ZNF148: variants seen among roughly 807,000 people sequenced by gnomAD.
ZNF148 encodes zinc finger protein 148.
In ZNF148, 7 loss-of-function variants were observed where a neutral mutation model predicts 67.7. The observed-to-expected ratio is 0.10, with a 90% confidence interval of 0.06 to 0.19. ZNF148 has a LOEUF of 0.19. ZNF148 is among the 10% of genes least tolerant of loss of function. ZNF148 has a pLI of 1.00. For missense variants in ZNF148, 583 were observed against 947.1 expected (o/e 0.62, Z 5.05); for synonymous variants, 333 against 330.7 (o/e 1.01, Z -0.08).
At chr3:125,374,646 T>TCC in intron 1 of ZNF148, among the ~76,000 whole-genome samples, 1 of 151,706 alleles carries the variant, frequency 6.6e-6, no homozygotes, top group Non-Finnish European at 1.5e-5. Flanking sequence ...CCCCTGCCCT[T>TCC]CCCTTCTCCC....
Position 125,229,769 on chromosome 3 carries a change from TC to T in ZNF148, c.*2571del, listed in dbSNP as rs2107822760. The T allele has an allele frequency of 6.6e-6, 1 of 152,286 alleles. No individual in the cohort carries two copies. The highest frequency in any genetic ancestry group is 1.9e-4 in the East Asian group (1 of 5,178). 9.4% of individuals were successfully genotyped at this position (152,286 alleles called of 1,614,324 possible). On this transcript the variant is annotated 3_prime_UTR_variant, in exon 9 of 9. Transcript: ENST00000360647. ...GCAGCACACAAGGCTACTTATTTTC[TC>T]CATTAATGCCCAGATAGAAATTAAA... is the stretch of plus-strand genomic sequence containing the variant.
rs112817819 is a variant in ZNF148 at position 125,349,758 on chromosome 3, T to C, written c.-233-18520A>G. On this transcript the variant is annotated intron_variant, in intron 1 of 8. Coordinates refer to ENST00000360647, the MANE Select transcript of ZNF148 (RefSeq NM_021964.3). ...CAGGAGGCTGAGGCAGGAGGATCAC[T>C]TGAGTCCAGGAGTTTGAGGTTGCAG... Among the ~76,000 whole-genome samples the C allele has an allele frequency of 7.9e-3, 1,196 of 152,302 alleles. 14 individuals are homozygous for C. The highest frequency in any genetic ancestry group is 0.028 in the African/African-American group (1,152 of 41,556).
At chr3:125,241,306 T>C (rs556800386) in intron 7 of ZNF148, among the ~76,000 whole-genome samples, 5 of 149,040 alleles carry the variant, frequency 3.4e-5, no homozygotes, top group African/African-American at 1.3e-4. Context: ...TTCTTTCTTT[T>C]TTCTTTCTTT....
At chr3:125,241,302 CTTT>C (rs1460109086) in intron 7 of ZNF148, among the ~76,000 whole-genome samples, 1 of 149,726 alleles carries the variant, frequency 6.7e-6, no homozygotes, top group African/African-American at 2.4e-5. Context: ...GAGTTTCTTT[CTTT>C]TTTCTTTCTT....
chr3:125,235,982 G>A (rs1317689741), intron 7 of ZNF148, among the ~76,000 whole-genome samples: 35 of 149,904 alleles, frequency 2.3e-4, no homozygotes, highest in Admixed American at 2.3e-3. Flanking sequence ...GATAGCATTA[G>A]GAGATATATC....
intron 3 of ZNF148, among the ~76,000 whole-genome samples, chr3:125,320,183 T>C (rs1940707442): frequency 6.6e-6 from 1 of 152,230 alleles, no homozygotes; most frequent in Non-Finnish European, 1.5e-5. Context: ...TCCCTCTGTT[T>C]TCTCAAAGCC....
At chr3:125,336,752 C>T (rs1292855525) in intron 1 of ZNF148, among the ~76,000 whole-genome samples, 3 of 138,718 alleles carry the variant, frequency 2.2e-5, no homozygotes, top group East Asian at 4.3e-4. Context: ...TCTCAGCTCA[C>T]CACAACCTCC....
intron 7 of ZNF148, among the ~76,000 whole-genome samples, chr3:125,267,789 T>C (rs1381923559): frequency 6.6e-6 from 1 of 152,082 alleles, no homozygotes; most frequent in Non-Finnish European, 1.5e-5. Context: ...ACTCAAATTA[T>C]CTCTCTTTGC....
At chr3:125,266,593 T>C (rs769901166) in intron 7 of ZNF148, among the ~76,000 whole-genome samples, 6 of 152,180 alleles carry the variant, frequency 3.9e-5, no homozygotes, top group Non-Finnish European at 7.3e-5. Flanking sequence ...GGAAAGTTTA[T>C]AGCACTAAAC....
intron 7 of ZNF148, among the ~76,000 whole-genome samples, chr3:125,267,803 C>T (rs1937567926): frequency 6.6e-6 from 1 of 152,136 alleles, no homozygotes; most frequent in South Asian, 2.1e-4. Context: ...TCTTTGCTGA[C>T]CATATGATTC....
At position 125,267,260 on chromosome 3, in the gene ZNF148, GA is replaced by G. The variant is rs565392512; in HGVS notation, c.667+10465del. On this transcript the variant is annotated intron_variant, in intron 7 of 8. Transcript: ENST00000360647. ...CAAAATCTGGCAAAGACACAACGGG[GA>G]AAAAAAAAAACAAAACTAAAGGCCA... is the stretch of plus-strand genomic sequence containing the variant. 1.4e-4 allele frequency among the ~76,000 whole-genome samples: 19 copies of G among 137,102 alleles called. No individual in the cohort carries two copies. In the South Asian group the frequency reaches 1.9e-3, roughly 14 times the overall value. The allele number at this position is 137,102 out of a possible 152,430, so 89.9% of individuals were successfully genotyped here.
intron 1 of ZNF148, among the ~76,000 whole-genome samples, chr3:125,336,210 C>T (rs1237228292): frequency 6.6e-6 from 1 of 152,140 alleles, no homozygotes; most frequent in East Asian, 1.9e-4. Flanking sequence ...AAATCAAAAG[C>T]CCAAAGCAAT....
chr3:125,349,458 G>A (rs924444466), intron 1 of ZNF148, among the ~76,000 whole-genome samples: 2 of 152,054 alleles, frequency 1.3e-5, no homozygotes, highest in Non-Finnish European at 2.9e-5. Flanking sequence ...CATACACAAG[G>A]CCAACAGGTA....
intron 1 of ZNF148, among the ~76,000 whole-genome samples, chr3:125,367,847 A>T (rs551035883): frequency 7.9e-5 from 12 of 152,372 alleles, no homozygotes; most frequent in Non-Finnish European, 1.3e-4. Context: ...AAGTTACACT[A>T]TACGAAGACG....
intron 8 of ZNF148, 85 bp downstream of exon 8, chr3:125,234,126 C>T (rs1348782147): frequency 4.1e-6 from 5 of 1,225,486 alleles, no homozygotes; most frequent in Non-Finnish European, 5.7e-6. Flanking sequence ...CCTTAAATAG[C>T]TCTAAGTTGT....
At chr3:125,374,068 G>A (rs1942979796) in intron 1 of ZNF148, among the ~76,000 whole-genome samples, 1 of 152,102 alleles carries the variant, frequency 6.6e-6, no homozygotes, top group Non-Finnish European at 1.5e-5. Context: ...TAAAATCGAA[G>A]CTCCATAGCC....
At chr3:125,332,314 T>C (rs1389996829) in intron 1 of ZNF148, among the ~76,000 whole-genome samples, 1 of 152,170 alleles carries the variant, frequency 6.6e-6, no homozygotes, top group Non-Finnish European at 1.5e-5. Context: ...AGCCAAGCAT[T>C]CAAAAGCATA....
chr3:125,322,345 C>T (rs1940819882), intron 3 of ZNF148, among the ~76,000 whole-genome samples: 1 of 151,404 alleles, frequency 6.6e-6, no homozygotes, highest in African/African-American at 2.4e-5. Flanking sequence ...ATAAATCTGA[C>T]TCAAACCTTA....
intron 7 of ZNF148, among the ~76,000 whole-genome samples, chr3:125,235,699 C>T (rs1411852239): frequency 6.6e-6 from 1 of 151,822 alleles, no homozygotes; most frequent in African/African-American, 2.4e-5. Context: ...TGGAACCAAC[C>T]CAAATGTCCA....
Sources: gnomAD v4.1 joint callset for allele counts (sites outside exome capture counted in the v4.1 genomes callset) on GRCh38, gnomAD v4.1.1 for gene constraint, MANE v1.5 for transcripts, NCBI Gene and HGNC (gene_info 2026-07-23, HGNC 2026-07-21) for gene names.